The following CD207 variants were observed in gnomAD, a reference collection of about 807,000 sequenced individuals.
CD207 encodes C-type lectin domain family 4 member K.
A neutral mutation model predicts 31.6 loss-of-function variants in CD207; 28 were observed. That is an observed-to-expected ratio of 0.89 (90% confidence interval 0.66 to 1.21). The LOEUF is 1.21. CD207 is among the 50% of genes most tolerant of loss of function. The pLI, the probability that CD207 is intolerant of heterozygous loss-of-function variation, is 0.00. For synonymous variants in CD207, 168 were observed against 153.9 expected (o/e 1.09, Z -0.68); for missense variants, 388 against 397.8 (o/e 0.98, Z 0.21).
At chr2:70,828,511 C>A (rs1275250286), downstream of CD207, among the ~76,000 whole-genome samples, 1 of 152,170 alleles carries the variant, frequency 6.6e-6, no homozygotes, top group Non-Finnish European at 1.5e-5. Flanking sequence ...CTCGTAAGGT[C>A]CCCATGCACA....
chr2:70,828,816 C>T (rs184357268), downstream of CD207, among the ~76,000 whole-genome samples: 10 of 152,262 alleles, frequency 6.6e-5, no homozygotes, highest in African/African-American at 2.4e-4. Flanking sequence ...CAGGTGCCCA[C>T]CACCATGCCC....
chr2:70,830,975 C>A lies in CD207; in HGVS notation c.*75G>T. 7.2e-7 allele frequency: 1 copy of A among 1,388,522 alleles called. No homozygotes were observed. The highest frequency in any genetic ancestry group is 1.4e-5 in the South Asian group (1 of 72,522). 86.0% of individuals were successfully genotyped at this position (1,388,522 alleles called of 1,614,324 possible). ...TTAACGTGCAAAGTCATCCTGGAGT[C>A]TGGGGAAGAAAGAGGCATTTCCTCA... On this transcript the variant is annotated 3_prime_UTR_variant, in exon 6 of 6. Coordinates refer to ENST00000410009, the MANE Select transcript of CD207 (RefSeq NM_015717.5).
chr2:70,829,224 A>T (rs1553399296), downstream of CD207, among the ~76,000 whole-genome samples: 1 of 152,156 alleles, frequency 6.6e-6, no homozygotes. Context: ...CATTTCCTCC[A>T]TTGGTGAGGG....
chr2:70,825,292 G>A (rs1463761196), downstream of CD207, among the ~76,000 whole-genome samples: 2 of 152,192 alleles, frequency 1.3e-5, no homozygotes, highest in Non-Finnish European at 2.9e-5. Context: ...AAGGAGACAT[G>A]ATGGCTAAAT....
At chr2:70,835,406 A>C (rs1677588394) in intron 2 of CD207, 85 bp downstream of exon 2, 1 of 896,698 alleles carries the variant, frequency 1.1e-6, no homozygotes. Flanking sequence ...AGAAACCCGG[A>C]GAGCAGGGAA....
downstream of CD207, among the ~76,000 whole-genome samples, chr2:70,827,895 AT>A (rs1406103423): frequency 2.0e-5 from 3 of 151,806 alleles, no homozygotes; most frequent in Admixed American, 6.6e-5. Flanking sequence ...TGATTCAAGT[AT>A]TTTTTTCTCT....
At position 70,831,204 on chromosome 2, in the gene CD207, C is replaced by A. The variant is rs1278282085; in HGVS notation, c.837-4G>T. 5 of 1,596,700 alleles carry A rather than the reference C, an allele frequency of 3.1e-6. No homozygotes were observed. The highest frequency in any genetic ancestry group is 4.3e-6 in the Non-Finnish European group (5 of 1,174,010). On this transcript the variant is annotated splice_region_variant and splice_polypyrimidine_tract_variant and intron_variant, in intron 5 of 5. Transcript: ENST00000410009. ...GGGCTCACCTGGAATCCAGAACCTA[C>A]CAAGAGCGGGGAAAAAGATGGATTT...
downstream of CD207, among the ~76,000 whole-genome samples, chr2:70,827,922 C>T (rs1181826237): frequency 6.6e-6 from 1 of 151,838 alleles, no homozygotes; most frequent in Admixed American, 6.6e-5. Flanking sequence ...TATATTCAAA[C>T]ACAAAAGGAT....
chr2:70,826,251 C>T (rs1163168956), downstream of CD207, among the ~76,000 whole-genome samples: 1 of 152,108 alleles, frequency 6.6e-6, no homozygotes, highest in Non-Finnish European at 1.5e-5. Context: ...GCTCCAATAA[C>T]GGCAGCACTA....
At chr2:70,825,552 T>A (rs76193120), downstream of CD207, among the ~76,000 whole-genome samples, 88,658 of 148,608 alleles carry the variant, frequency 0.6, 26,739 homozygotes, top group Middle Eastern at 0.69. Flanking sequence ...TTAAAAAAAA[T>A]TTTTGAGACA....
intron 2 of CD207, 112 bp downstream of exon 2, chr2:70,835,379 A>G: frequency 2.7e-6 from 2 of 753,054 alleles, no homozygotes; most frequent in South Asian, 1.5e-5. Flanking sequence ...GAGACAAATG[A>G]AAAAGCCACA....
chr2:70,834,043 G>T (rs1677546515), intron 2 of CD207, 23 bp from the exon 3 acceptor site: 10 of 1,500,266 alleles, frequency 6.7e-6, no homozygotes, highest in Non-Finnish European at 8.9e-6. Flanking sequence ...AAGTCAGGAG[G>T]TCAGCTGAGG....
chr2:70,827,042 C>A (rs1281971143), downstream of CD207, among the ~76,000 whole-genome samples: 3 of 152,142 alleles, frequency 2.0e-5, no homozygotes, highest in African/African-American at 7.2e-5. Context: ...TCACCTCACA[C>A]CACACTCCAG....
rs1677452172 is a variant in CD207, at chr2:70,831,010, A to G, written c.*40T>C. On this transcript the variant is annotated 3_prime_UTR_variant, in exon 6 of 6. Coordinates refer to ENST00000410009, the MANE Select transcript of CD207 (RefSeq NM_015717.5). Reference sequence around the variant, plus strand: ...AAGAGGCATTTCCTCATGTTTAACAAGCGTTGGAGCTCAAAGAGTGAGCTT... The same window carrying G: ...AAGAGGCATTTCCTCATGTTTAACAGGCGTTGGAGCTCAAAGAGTGAGCTT... The G allele has an allele frequency of 6.4e-7, 1 of 1,566,022 alleles. No homozygotes were observed. The highest frequency in any genetic ancestry group is 8.7e-7 in the Non-Finnish European group (1 of 1,150,294).
At chr2:70,832,333 G>A (rs978662898) in intron 4 of CD207, among the ~76,000 whole-genome samples, 117 of 152,056 alleles carry the variant, frequency 7.7e-4, no homozygotes, top group Non-Finnish European at 2.5e-4. Flanking sequence ...CTAGAACTAC[G>A]CCAGAGCCCA....
intron 2 of CD207, 39 bp from the exon 3 acceptor site, chr2:70,834,059 C>A: frequency 6.8e-7 from 1 of 1,478,694 alleles, no homozygotes; most frequent in Non-Finnish European, 9.0e-7. Flanking sequence ...TGAGGGGAGT[C>A]CCAGGGACAG....
chr2:70,832,554 A>T (rs1350602703), intron 4 of CD207, among the ~76,000 whole-genome samples: 1 of 152,246 alleles, frequency 6.6e-6, no homozygotes, highest in Non-Finnish European at 1.5e-5. Flanking sequence ...AGTACTGCAT[A>T]ACTTACTTAA....
At chr2:70,824,891 G>A in the CD207 span, among the ~76,000 whole-genome samples, 4 of 152,296 alleles carry the variant, frequency 2.6e-5, no homozygotes, top group Admixed American at 2.6e-4. Context: ...CCCATTCTGA[G>A]AAAAGTAGAG....
Position 70,835,728 on chromosome 2 carries a change from G to C in CD207, c.49C>G (p.Gln17Glu), listed in dbSNP as rs1558630832. ...CCTCGGGGCCAGAGGGAGATGTTCT[G>C]TTTGTCCACAGTGAAGTGCGCATCA... ...APDAHFTVDK[Q>E]NISLWPREPP... The change falls in exon 1 of 6, where the codon CAG becomes GAG. Residue 17 changes from glutamine to glutamate, a missense_variant. Gln to Glu is a conservative substitution (Grantham distance 29). Transcript: ENST00000410009. The C allele has an allele frequency of 5.0e-6, 8 of 1,613,348 alleles. No homozygotes were observed. Among genetic ancestry groups the C allele is most frequent in the Non-Finnish European group, 6.8e-6 (8 of 1,179,668 alleles).
Sources: gnomAD v4.1 joint callset for allele counts (sites outside exome capture counted in the v4.1 genomes callset) on GRCh38, gnomAD v4.1.1 for gene constraint, MANE v1.5 for transcripts, NCBI Gene and HGNC (gene_info 2026-07-23, HGNC 2026-07-21) for gene names.